Variants in PRKCSH observed in about 807,000 individuals in gnomAD.
The protein encoded by PRKCSH is PRKCSH beta subunit of glucosidase II.
PRKCSH carries 42 observed loss-of-function variants against 79.7 expected under a neutral mutation model. The observed-to-expected ratio is 0.53, with a 90% CI of 0.41 to 0.68. The LOEUF (loss-of-function observed/expected upper bound fraction) is 0.68, where lower values mean the gene tolerates loss of function less well. PRKCSH is among the 30% of genes least tolerant of loss of function. The pLI is 0.00. For synonymous variants in PRKCSH, 325 were observed against 288.2 expected (o/e 1.13, Z -1.29); for missense variants, 686 against 709.0 (o/e 0.97, Z 0.37).
chr19:11,441,422 C>A, intron 6 of PRKCSH, 65 bp downstream of exon 6: 2 of 1,501,384 alleles, frequency 1.3e-6, no homozygotes, highest in Non-Finnish European at 1.9e-6. Context: ...TGTGGGCTTG[C>A]AAGGCTGGGG....
intron 3 of PRKCSH, among the ~76,000 whole-genome samples, chr19:11,437,043 GTT>G (rs1251385541): frequency 6.7e-6 from 1 of 149,622 alleles, no homozygotes; most frequent in Non-Finnish European, 1.5e-5. Flanking sequence ...CTTTGGTTTT[GTT>G]TTTGTTTTGA....
Position 11,436,138 on chromosome 19 carries a change from G to C in PRKCSH, c.21G>C (p.Leu7=), listed in dbSNP as rs781002317. Residue 7 remains leucine (L), a synonymous_variant, in exon 2 of 18, where the codon CTG becomes CTC. Transcript: ENST00000677123. The stretch of plus-strand genomic sequence containing the variant: ...GTGAGATGCTGTTGCCGCTGCTGCT[G>C]CTGCTACCCATGTGCTGGGCCGTGG... The part of the protein sequence containing the change: MLLPLL[L]LLPMCWAVEV... The C allele has an allele frequency of 6.2e-7, 1 of 1,608,316 alleles. No individual in the cohort carries two copies. Among genetic ancestry groups the C allele is most frequent in the Non-Finnish European group, 8.5e-7 (1 of 1,179,002 alleles).
At chr19:11,441,559 T>G (rs1970064632) in intron 6 of PRKCSH, among the ~76,000 whole-genome samples, 1 of 152,118 alleles carries the variant, frequency 6.6e-6, no homozygotes, top group South Asian at 2.1e-4. Context: ...GGCTGTCAGC[T>G]TAGGTGTTTA....
chr19:11,444,070 C>T (rs946955351), intron 7 of PRKCSH, among the ~76,000 whole-genome samples: 5 of 152,248 alleles, frequency 3.3e-5, no homozygotes, highest in African/African-American at 9.6e-5. Context: ...CGGTGCCCAG[C>T]TCTGTCTGCA....
chr19:11,436,434 G>A lies in PRKCSH; in HGVS notation c.125G>A (p.Gly42Asp). Residue 42 changes from glycine to aspartate, a missense_variant, in exon 3 of 18, where the codon GGT (glycine) becomes GAT (aspartate). Physicochemically the swap from Gly to Asp is moderately conservative, Grantham distance 94 (BLOSUM62 -1). Around this residue, in one of 2 missense-constraint regions of PRKCSH, gnomAD observed 549 missense variants for 520.2 expected, o/e 1.06. Transcript: ENST00000677123. ...TCCAAGCCTTTCACCTGCCTGGACG[G>A]TTCGGCCACCATCCCATTTGATCAG... is the stretch of plus-strand genomic sequence containing the variant. ...DESKPFTCLD[G>D]SATIPFDQVN... is the part of the protein sequence containing the mutation. The A allele has an allele frequency of 3.7e-6, 6 of 1,614,206 alleles. No homozygotes were observed. The highest frequency in any genetic ancestry group is 5.1e-6 in the Non-Finnish European group (6 of 1,180,038).
rs1332481757 is a variant in PRKCSH, at chr19:11,447,110, T to C, written c.799T>C (p.Ser267Pro). Reference protein sequence around the residue: ...LSGDTQTDATSFYDRVWAAIR... With the variant: ...LSGDTQTDATPFYDRVWAAIR... The stretch of plus-strand genomic sequence containing the variant: ...TGGGGACACACAGACAGACGCCACC[T>C]CTTTCTACGACCGCGTCTGGGCCGC... Residue 267 changes from serine (S) to proline (P), a missense_variant, in exon 10 of 18, where the codon TCT becomes CCT. Around this residue, in one of 2 missense-constraint regions of PRKCSH, gnomAD observed 549 missense variants for 520.2 expected, o/e 1.06. Transcript: ENST00000677123. The surrounding 1 kb of genome is among the most constrained non-coding windows in gnomAD (Gnocchi z 5.6). 6.2e-7 allele frequency: 1 copy of C among 1,613,832 alleles called. No homozygotes were observed.
At position 11,438,146 on chromosome 19, in the gene PRKCSH, T is replaced by G. The variant is rs148925686; in HGVS notation, c.350+22T>G. On this transcript the variant is annotated intron_variant, in intron 5 of 17. Coordinates refer to ENST00000677123, the MANE Select transcript of PRKCSH (RefSeq NM_001289104.2). ...GCAAGTACGTGGGTGACAGTACCCC[T>G]CCCATCACCCCACCCCAAGACTTTG... 655 of 1,612,936 alleles carry G rather than the reference T, an allele frequency of 4.1e-4. 3 individuals are homozygous for G. The African/African-American group carries it at 8.1e-3, about 20-fold the overall frequency.
At position 11,441,271 on chromosome 19, in the gene PRKCSH, C is replaced by G; in HGVS notation, c.382C>G (p.Gln128Glu). 1 of 1,614,084 alleles carries G rather than the reference C, an allele frequency of 6.2e-7. No individual in the cohort carries two copies. The highest frequency in any genetic ancestry group is 8.5e-7 in the Non-Finnish European group (1 of 1,179,976). The change falls in exon 6 of 18, where the codon CAG (glutamine) becomes GAG (glutamate). Residue 128 changes from glutamine to glutamate, a missense_variant. This residue lies in a region of PRKCSH where 549 missense variants were observed against 520.2 expected (regional missense o/e 1.06). Transcript: ENST00000677123. Reference protein sequence around the residue: ...EKGRKERESLQQMAEVTREGF... With the variant: ...EKGRKERESLEQMAEVTREGF... Reference sequence around the variant, plus strand: ...GGGCCGTAAGGAGAGAGAGTCCCTGCAGCAGATGGCCGAGGTCACCCGCGA... The same window carrying G: ...GGGCCGTAAGGAGAGAGAGTCCCTGGAGCAGATGGCCGAGGTCACCCGCGA...
At chr19:11,438,765 CAAAAA>C (rs543509035) in intron 5 of PRKCSH, among the ~76,000 whole-genome samples, 1 of 88,464 alleles carries the variant, frequency 1.1e-5, no homozygotes, top group African/African-American at 4.3e-5. Flanking sequence ...AAAAAAAAAG[CAAAAA>C]AAAAAAAAGC....
In PRKCSH at chr19:11,448,585, G is replaced by A. The variant is rs528536486; in HGVS notation, c.1242G>A (p.Glu414=). The A allele has an allele frequency of 6.8e-6, 11 of 1,614,238 alleles. No homozygotes were observed. The highest frequency in any genetic ancestry group is 3.3e-4 in the Middle Eastern group (2 of 6,062). ...CTTTTGACTTTGGCCCCAACGGGGA[G>A]TTTGCTTACCTGTACAGCCAGTGCT... is the stretch of plus-strand genomic sequence containing the variant. ...EISFDFGPNG[E]FAYLYSQCYE... The change falls in exon 14 of 18, where the codon GAG becomes GAA. Residue 414 remains glutamate, a synonymous_variant. Coordinates refer to ENST00000677123, the MANE Select transcript of PRKCSH (RefSeq NM_001289104.2). The surrounding 1 kb of genome is among the most constrained non-coding windows in gnomAD (Gnocchi z 4.4).
At chr19:11,441,033 C>G in intron 5 of PRKCSH, 2 of 577,416 alleles carry the variant, frequency 3.5e-6, no homozygotes, top group Non-Finnish European at 6.5e-6. Flanking sequence ...TTCCCTGACC[C>G]CAGGGGCTTA....
Position 11,435,644 on chromosome 19 carries a change from G to A in PRKCSH, c.-140G>A. 3.2e-6 allele frequency: 4 copies of A among 1,267,046 alleles called. No individual in the cohort carries two copies. The highest frequency in any genetic ancestry group is 3.1e-6 in the Non-Finnish European group (3 of 967,490). 78.5% of individuals were successfully genotyped at this position (1,267,046 alleles called of 1,614,324 possible). ...CAGAAATTTCCGCTTTCTTTCTGCA[G>A]CAGGAACCGCGGCTGCTGGACAAGA... is the stretch of plus-strand genomic sequence containing the variant. On this transcript the variant is annotated 5_prime_UTR_variant, in exon 1 of 18. Transcript: ENST00000677123.
At chr19:11,445,919 G>GTAACATTAAA in intron 8 of PRKCSH, 1 of 420,476 alleles carries the variant, frequency 2.4e-6, no homozygotes, top group Non-Finnish European at 4.4e-6. Flanking sequence ...CAGAGGGACC[G>GTAACATTAAA]AATGGGCAAG....
In PRKCSH at chr19:11,448,149, C is replaced by G. The variant is rs1267168001; in HGVS notation, c.1127-73C>G. The G allele has an allele frequency of 1.4e-6, 2 of 1,449,576 alleles. No individual in the cohort carries two copies. Among genetic ancestry groups the G allele is most frequent in the East Asian group, 2.5e-5 (1 of 40,488 alleles). The allele number at this position is 1,449,576 out of a possible 1,614,324, so 89.8% of individuals were successfully genotyped here. ...ATGAGGGTATGGGAGCACACAGCCA[C>G]ATCCATGGAACCCCGTTCCCCATCC... On this transcript the variant is annotated intron_variant, in intron 12 of 17. Coordinates refer to ENST00000677123, the MANE Select transcript of PRKCSH (RefSeq NM_001289104.2). The surrounding 1 kb of genome is among the most constrained non-coding windows in gnomAD (Gnocchi z 4.4).
rs1970246855 is a variant in PRKCSH, at chr19:11,445,379, T to C, written c.599-10T>C. 4 of 1,613,254 alleles carry C rather than the reference T, an allele frequency of 2.5e-6. No homozygotes were observed. Among genetic ancestry groups the C allele is most frequent in the Non-Finnish European group, 3.4e-6 (4 of 1,179,992 alleles). The stretch of plus-strand genomic sequence containing the variant: ...GTGGGCAGGGGGTGACAGAGGTGGC[T>C]TCTTTACAGAGCAGCTGGCTGCTGC... On this transcript the variant is annotated splice_polypyrimidine_tract_variant and intron_variant, in intron 7 of 17. Transcript: ENST00000677123.
At chr19:11,446,447 G>C in intron 9 of PRKCSH, 97 bp downstream of exon 9, 1 of 1,372,868 alleles carries the variant, frequency 7.3e-7, no homozygotes, top group South Asian at 1.2e-5. Context: ...CTCCTTGCTG[G>C]CCTGGGATGC....
At position 11,449,844 on chromosome 19, in the gene PRKCSH, CT is replaced by C. The variant is rs992377428; in HGVS notation, c.*16+427del. On this transcript the variant is annotated intron_variant, in intron 17 of 17. Transcript: ENST00000677123. This position sits in a 1 kb window ranked among gnomAD's most constrained non-coding sequence, Gnocchi z 6.4. The stretch of plus-strand genomic sequence containing the variant: ...GCCACCACACCCGGCCATCTCCTGC[CT>C]TTTTTTTTTTGGATGGAGTTTCACT... The C allele has an allele frequency of 0.039, 7,170 of 185,894 alleles. No homozygotes were observed. The highest frequency in any genetic ancestry group is 0.085 in the South Asian group (981 of 11,596). The allele number at this position is 185,894 out of a possible 1,614,324, so 11.5% of individuals were successfully genotyped here.
intron 6 of PRKCSH, 80 bp downstream of exon 6, chr19:11,441,437 G>GT: frequency 7.4e-7 from 1 of 1,350,198 alleles, no homozygotes; most frequent in Non-Finnish European, 1.1e-6. Flanking sequence ...CTGGGGAGGG[G>GT]TTTGCCCCTG....
chr19:11,445,650 G>T, intron 8 of PRKCSH, 177 bp downstream of exon 8: 1 of 690,428 alleles, frequency 1.4e-6, no homozygotes, highest in Non-Finnish European at 2.6e-6. Flanking sequence ...GGTCCAGGAT[G>T]CCCTGGGCGA....
Sources: allele counts gnomAD v4.1 joint callset (sites outside exome capture counted in the v4.1 genomes callset), GRCh38; gene constraint gnomAD v4.1.1; regional missense constraint gnomAD v4.1.1; non-coding constraint Gnocchi (gnomAD v3.1); transcripts MANE v1.5; gene names NCBI Gene and HGNC (gene_info 2026-07-23, HGNC 2026-07-21).